Variants in OSBPL10 observed in about 807,000 individuals in gnomAD.
OSBPL10 encodes oxysterol binding protein like 10.
Under a neutral mutation model 81.7 loss-of-function variants are expected in OSBPL10, and 49 were observed. The ratio of observed to expected loss-of-function variants is 0.60; its 90% confidence interval spans 0.48 to 0.76. The LOEUF is 0.76. Among genes scored for constraint, OSBPL10 ranks in the 30% least tolerant of loss-of-function variants. The pLI, the probability that OSBPL10 is intolerant of heterozygous loss-of-function variation, is 0.00. For synonymous variants in OSBPL10, 419 were observed against 383.6 expected, an observed-to-expected ratio of 1.09 and a Z score of -1.08; for missense variants, 923 against 987.8, an observed-to-expected ratio of 0.93 and a Z score of 0.88.
chr3:32,004,878 A>C (rs1329919928), intron 2 of OSBPL10, among the ~76,000 whole-genome samples: 1 of 152,210 alleles, frequency 6.6e-6, no homozygotes, highest in Non-Finnish European at 1.5e-5. Flanking sequence ...TCCTTATTTC[A>C]TGGTGCTTAT....
intron 4 of OSBPL10, among the ~76,000 whole-genome samples, chr3:31,763,358 G>A (rs910379977): frequency 7.9e-5 from 12 of 152,280 alleles, no homozygotes; most frequent in East Asian, 7.7e-4. Flanking sequence ...CTGGCAGAAC[G>A]TAACCTTACA....
chr3:31,733,686 T>G (rs1298044403), intron 5 of OSBPL10, among the ~76,000 whole-genome samples: 6 of 27,276 alleles, frequency 2.2e-4, no homozygotes, highest in South Asian at 9.7e-4. Flanking sequence ...GATAAAGGTG[T>G]TTTTTTTTTT....
At chr3:32,014,261 T>C (rs1699291766) in intron 2 of OSBPL10, among the ~76,000 whole-genome samples, 1 of 152,214 alleles carries the variant, frequency 6.6e-6, no homozygotes, top group Non-Finnish European at 1.5e-5. Flanking sequence ...TCAAGTGGGC[T>C]TCATCCCTGG....
intron 4 of OSBPL10, among the ~76,000 whole-genome samples, chr3:31,803,969 G>A (rs1699461046): frequency 6.6e-6 from 1 of 152,106 alleles, no homozygotes; most frequent in Non-Finnish European, 1.5e-5. Context: ...TAAAATAACT[G>A]TTTTCTCTTT....
At chr3:31,792,838 C>T (rs1430009713) in intron 4 of OSBPL10, among the ~76,000 whole-genome samples, 6 of 134,160 alleles carry the variant, frequency 4.5e-5, no homozygotes, top group African/African-American at 1.7e-4. Flanking sequence ...GTGCGTTTTG[C>T]ACTCTCAGCT....
chr3:31,805,341 C>T (rs1040367067), intron 4 of OSBPL10, among the ~76,000 whole-genome samples: 4 of 152,124 alleles, frequency 2.6e-5, no homozygotes, highest in Non-Finnish European at 4.4e-5. Flanking sequence ...TAAATATAGT[C>T]GTATCTCTCT....
chr3:31,818,830 G>A (rs1371388599), intron 4 of OSBPL10, among the ~76,000 whole-genome samples: 1 of 152,138 alleles, frequency 6.6e-6, no homozygotes, highest in South Asian at 2.1e-4. Context: ...CAGGTTAGAG[G>A]AATCACAAGG....
chr3:31,870,163 G>A (rs548692927), intron 3 of OSBPL10, among the ~76,000 whole-genome samples: 8 of 152,366 alleles, frequency 5.3e-5, no homozygotes, highest in Admixed American at 2.0e-4. Context: ...CTGCGCTTGC[G>A]GGCCAGCTGG....
chr3:31,690,785 T>C (rs377435117), intron 7 of OSBPL10, among the ~76,000 whole-genome samples: 1 of 152,182 alleles, frequency 6.6e-6, no homozygotes, highest in East Asian at 1.9e-4. Context: ...TTCATTGGAG[T>C]TTGTGCAGAA....
At chr3:32,064,656 T>C (rs1699765971) in intron 1 of OSBPL10, among the ~76,000 whole-genome samples, 1 of 93,714 alleles carries the variant, frequency 1.1e-5, no homozygotes, top group African/African-American at 2.7e-5. Context: ...GAAATAACAT[T>C]GACTCGTGAT....
At chr3:31,727,649 T>C (rs930593460) in intron 6 of OSBPL10, among the ~76,000 whole-genome samples, 12 of 152,332 alleles carry the variant, frequency 7.9e-5, no homozygotes, top group African/African-American at 2.9e-4. Context: ...CTTCAAACTG[T>C]TGACCACAAA....
chr3:31,894,320 A>C (rs1465724546), intron 1 of OSBPL10, among the ~76,000 whole-genome samples: 4 of 152,188 alleles, frequency 2.6e-5, no homozygotes, highest in Non-Finnish European at 4.4e-5. Flanking sequence ...GGAGGCAGGA[A>C]GGAACGGGCC....
intron 4 of OSBPL10, among the ~76,000 whole-genome samples, chr3:31,758,935 C>T (rs1001583109): frequency 3.3e-5 from 5 of 152,184 alleles, no homozygotes; most frequent in African/African-American, 1.2e-4. Flanking sequence ...AAAATGGTCA[C>T]CCTACAGGCT....
At chr3:31,772,475 A>AT (rs1199725587) in intron 4 of OSBPL10, among the ~76,000 whole-genome samples, 4 of 152,324 alleles carry the variant, frequency 2.6e-5, no homozygotes, top group African/African-American at 9.6e-5. Context: ...GGTGGATTTT[A>AT]TTTTCCATTT....
At chr3:31,886,471 C>T (rs1695739052) in intron 1 of OSBPL10, among the ~76,000 whole-genome samples, 1 of 152,226 alleles carries the variant, frequency 6.6e-6, no homozygotes, top group South Asian at 2.1e-4. Context: ...TAGCTGACCG[C>T]AGCTTCATGG....
chr3:31,821,170 G>C (rs1158614076), intron 4 of OSBPL10, among the ~76,000 whole-genome samples: 1 of 151,920 alleles, frequency 6.6e-6, no homozygotes, highest in East Asian at 1.9e-4. Context: ...TCCTGCCAGG[G>C]CAGCAGTTGG....
At chr3:31,690,572 T>G (rs1259077251) in intron 7 of OSBPL10, among the ~76,000 whole-genome samples, 1 of 152,136 alleles carries the variant, frequency 6.6e-6, no homozygotes, top group African/African-American at 2.4e-5. Flanking sequence ...AATAATAATT[T>G]TCAAAGACAA....
At chr3:31,772,860 C>A (rs541738189) in intron 4 of OSBPL10, among the ~76,000 whole-genome samples, 1 of 152,244 alleles carries the variant, frequency 6.6e-6, no homozygotes, top group East Asian at 1.9e-4. Context: ...TTTTAAAATT[C>A]TTTCTCAGAT....
intron 4 of OSBPL10, among the ~76,000 whole-genome samples, chr3:31,783,825 T>A (rs11129463): frequency 0.015 from 504 of 34,232 alleles, 5 homozygotes; most frequent in Non-Finnish European, 0.018. Context: ...AAAAAAAAAA[T>A]ATATATATAT....
Sources: allele counts gnomAD v4.1 joint callset (sites outside exome capture counted in the v4.1 genomes callset), GRCh38; gene constraint gnomAD v4.1.1; transcripts MANE v1.5; gene names NCBI Gene and HGNC (gene_info 2026-07-23, HGNC 2026-07-21).